ZFP14: variants seen among roughly 807,000 people sequenced by gnomAD.
The protein encoded by ZFP14 is ZFP14 zinc finger protein.
In ZFP14, 22 loss-of-function variants were observed where a neutral mutation model predicts 54.5. The ratio of observed to expected loss-of-function variants is 0.40; its 90% confidence interval spans 0.29 to 0.58. The LOEUF (loss-of-function observed/expected upper bound fraction) is 0.58. Ranked by LOEUF, ZFP14 falls within the 20% of genes least tolerant of loss-of-function variation. The pLI, the probability that ZFP14 is intolerant of heterozygous loss-of-function variation, is 0.39. For synonymous variants in ZFP14, 159 were observed against 204.0 expected (o/e 0.78, Z 1.88); for missense variants, 470 against 637.8 (o/e 0.74, Z 2.83).
At position 36,354,613 on chromosome 19, in the gene ZFP14, G is replaced by A. The variant is rs527744785; in HGVS notation, c.235+5822C>T. Among the ~76,000 whole-genome samples the A allele has an allele frequency of 4.3e-4, 61 of 141,834 alleles. 9 individuals are homozygous for A. The highest frequency in any genetic ancestry group is 7.9e-4 in the Non-Finnish European group (51 of 64,188). 93.0% of individuals were successfully genotyped at this position (141,834 alleles called of 152,430 possible). On this transcript the variant is annotated intron_variant, in intron 4 of 4. Transcript: ENST00000270001. ...TGCTTTAGATATTCATATGGCCTGG[G>A]CTCTTTTTTCATGTCACTATTCAAG...
chr19:36,374,319 T>G (rs1268973179), intron 1 of ZFP14, among the ~76,000 whole-genome samples: 1 of 151,638 alleles, frequency 6.6e-6, no homozygotes, highest in Non-Finnish European at 1.5e-5. Flanking sequence ...GGTGAAACCC[T>G]CTCTCTACAA....
At chr19:36,372,141 A>C (rs1381800964) in intron 1 of ZFP14, among the ~76,000 whole-genome samples, 16 of 151,944 alleles carry the variant, frequency 1.1e-4, no homozygotes, top group Non-Finnish European at 1.5e-5. Context: ...GGAAGGAAAA[A>C]AGAAAGAGGA....
intron 1 of ZFP14, among the ~76,000 whole-genome samples, chr19:36,368,991 G>A (rs1445760252): frequency 6.6e-6 from 1 of 152,022 alleles, no homozygotes; most frequent in Non-Finnish European, 1.5e-5. Flanking sequence ...ATGCCACCAC[G>A]CCCAGCTAAT....
In ZFP14 at chr19:36,341,869, G is replaced by A. The variant is rs973251126; in HGVS notation, c.236-279C>T. Among the ~76,000 whole-genome samples the A allele has an allele frequency of 1.3e-5, 2 of 149,460 alleles. No individual in the cohort carries two copies. Among genetic ancestry groups the A allele is most frequent in the African/African-American group, 4.9e-5 (2 of 40,624 alleles). On this transcript the variant is annotated intron_variant, in intron 4 of 4. Coordinates refer to ENST00000270001, the MANE Select transcript of ZFP14 (RefSeq NM_020917.3). The surrounding 1 kb of genome is among the most constrained non-coding windows in gnomAD (Gnocchi z 4.2). ...ACCACTTAATTTTTTTTTTTTCTTT[G>A]GAGATGGAGTCTCGCTCTGTTGCCC...
rs781162172 is a variant in ZFP14 at position 36,340,326 on chromosome 19, T to G, written c.1500A>C (p.Arg500Ser). ...TGTAGGGCTTCTCACCAGTATGAAT[T>G]CTCTGGTGTTGAGTAAGAAATGAAT... ...RLYSFLTQHQ[R>S]IHTGEKPYKC... The change falls in exon 5 of 5, where the codon AGA becomes AGC. Residue 500 changes from arginine (R) to serine (S), a missense_variant. Physicochemically the swap from Arg to Ser is moderately radical, Grantham distance 110 (BLOSUM62 -1). Transcript: ENST00000270001. The surrounding 1 kb of genome is among the most constrained non-coding windows in gnomAD (Gnocchi z 5.4). 6.2e-6 allele frequency: 10 copies of G among 1,613,892 alleles called. No individual in the cohort carries two copies. Among genetic ancestry groups the G allele is most frequent in the Non-Finnish European group, 8.5e-6 (10 of 1,179,988 alleles).
chr19:36,356,403 G>C (rs531880571), intron 4 of ZFP14, among the ~76,000 whole-genome samples: 1 of 151,954 alleles, frequency 6.6e-6, no homozygotes, highest in East Asian at 1.9e-4. Context: ...ACTCCAGCGT[G>C]GGTGACAGAG....
chr19:36,362,229 T>A lies in ZFP14; in HGVS notation c.19A>T (p.Thr7Ser), dbSNP rs2145556533. 6.3e-7 allele frequency: 1 copy of A among 1,594,536 alleles called. No individual in the cohort carries two copies. The highest frequency in any genetic ancestry group is 2.3e-5 in the East Asian group (1 of 44,276). ...AAGTCTATGGCCACATCCCTGAATG[T>A]CACTGAACCCTGAAAAAACAAACTC... MAHGSV[T>S]FRDVAIDFSQ... Residue 7 changes from threonine (T) to serine (S), a missense_variant, in exon 3 of 5, where the codon ACA becomes TCA. Coordinates refer to ENST00000270001, the MANE Select transcript of ZFP14 (RefSeq NM_020917.3).
chr19:36,368,656 C>G (rs2031832890), intron 1 of ZFP14, among the ~76,000 whole-genome samples: 1 of 152,142 alleles, frequency 6.6e-6, no homozygotes, highest in African/African-American at 2.4e-5. Context: ...GAGAAGGGCC[C>G]TGAATCCTGC....
chr19:36,378,462 T>C (rs1234922506), intron 1 of ZFP14: 1 of 151,334 alleles, frequency 6.6e-6, no homozygotes, highest in Non-Finnish European at 1.5e-5. Context: ...CAGAGCTGCT[T>C]CATTGTTCAG....
At chr19:36,343,664 G>A (rs1417695387) in intron 4 of ZFP14, among the ~76,000 whole-genome samples, 1 of 152,160 alleles carries the variant, frequency 6.6e-6, no homozygotes, top group Admixed American at 6.6e-5. Flanking sequence ...TACTCTGACG[G>A]ATTAAGGAGT....
chr19:36,346,601 G>A (rs1480455703), intron 4 of ZFP14, among the ~76,000 whole-genome samples: 2 of 152,038 alleles, frequency 1.3e-5, no homozygotes, highest in African/African-American at 4.8e-5. Flanking sequence ...GGGACTACAG[G>A]TGTTTCTACC....
chr19:36,368,814 C>T (rs140732130), intron 1 of ZFP14, among the ~76,000 whole-genome samples: 1 of 152,222 alleles, frequency 6.6e-6, no homozygotes, highest in Admixed American at 6.5e-5. Context: ...GCCTCCCATA[C>T]CATGACATCC....
At chr19:36,369,915 G>C (rs955761910) in intron 1 of ZFP14, among the ~76,000 whole-genome samples, 15 of 152,114 alleles carry the variant, frequency 9.9e-5, no homozygotes, top group Non-Finnish European at 1.5e-4. Context: ...GCTCACAGCA[G>C]CCTCGACCTC....
At chr19:36,342,907 A>ATG (rs1408000045) in intron 4 of ZFP14, among the ~76,000 whole-genome samples, 1 of 152,208 alleles carries the variant, frequency 6.6e-6, no homozygotes, top group Non-Finnish European at 1.5e-5. Context: ...AAAATTACTC[A>ATG]TAAGCCAATC....
At chr19:36,365,656 T>TAAA (rs11410571) in intron 2 of ZFP14, among the ~76,000 whole-genome samples, 4 of 150,462 alleles carry the variant, frequency 2.7e-5, no homozygotes, top group Non-Finnish European at 4.4e-5. Context: ...TTTTTGTTTT[T>TAAA]TAAAAAAAAG....
At chr19:36,365,318 C>T (rs180673850) in intron 2 of ZFP14, among the ~76,000 whole-genome samples, 2 of 152,262 alleles carry the variant, frequency 1.3e-5, no homozygotes, top group South Asian at 2.1e-4. Flanking sequence ...TTAATCATCT[C>T]TTTTACTAAA....
chr19:36,366,758 G>A (rs779332740), intron 2 of ZFP14, among the ~76,000 whole-genome samples: 3 of 152,130 alleles, frequency 2.0e-5, no homozygotes, highest in African/African-American at 7.2e-5. Context: ...TAGCATAGAT[G>A]TACTCAATTT....
intron 2 of ZFP14, 39 bp from the exon 3 acceptor site, chr19:36,362,277 T>C (rs771612193): frequency 1.3e-6 from 2 of 1,562,050 alleles, no homozygotes; most frequent in South Asian, 2.4e-5. Flanking sequence ...TGAAAATAAA[T>C]TAAATACTTT....
intron 4 of ZFP14, among the ~76,000 whole-genome samples, chr19:36,349,922 C>T (rs1398746478): frequency 9.9e-6 from 1 of 101,356 alleles, no homozygotes; most frequent in South Asian, 2.8e-4. Context: ...GAGGCCAAGG[C>T]GGGCAGACTG....
Sources: allele counts gnomAD v4.1 joint callset (sites outside exome capture counted in the v4.1 genomes callset), GRCh38; gene constraint gnomAD v4.1.1; non-coding constraint Gnocchi (gnomAD v3.1); transcripts MANE v1.5; gene names NCBI Gene and HGNC (gene_info 2026-07-23, HGNC 2026-07-21).